The following AGBL1 variants were observed in gnomAD, a reference collection of about 807,000 sequenced individuals.
The protein encoded by AGBL1 is cytosolic carboxypeptidase 4.
In AGBL1, 130 loss-of-function variants were observed where a neutral mutation model predicts 118.9. The observed-to-expected ratio is 1.09, with a 90% CI of 0.95 to 1.26. AGBL1 has a LOEUF of 1.26. Among genes scored for constraint, AGBL1 ranks in the 50% most tolerant of loss-of-function variants. The pLI is 0.00. For missense variants in AGBL1, 1,584 were observed against 1,298.1 expected (o/e 1.22, Z -3.38); for synonymous variants, 555 against 478.9 (o/e 1.16, Z -2.08).
chr15:86,097,477 A>G (rs4887277), intron 1 of AGBL1, among the ~76,000 whole-genome samples: 133,611 of 151,664 alleles, frequency 0.88, 59,279 homozygotes, highest in Non-Finnish European at 0.95. Context: ...ATTGACTGCC[A>G]CACACCCTTC....
At chr15:86,716,065 C>CAAA (rs35322996) in intron 22 of AGBL1, among the ~76,000 whole-genome samples, 2 of 109,804 alleles carry the variant, frequency 1.8e-5, no homozygotes, top group Non-Finnish European at 2.1e-5. Flanking sequence ...GACTCCGTCT[C>CAAA]AAAAAAAAAA....
rs60282415 is a variant in AGBL1 at position 86,301,641 on chromosome 15, G to GGTGTGTGT, written c.2374+6279_2374+6286dup. On this transcript the variant is annotated intron_variant, in intron 17 of 22. Transcript: ENST00000614907. The stretch of plus-strand genomic sequence containing the variant: ...TCACTGAGGTACTCATAATCTACAG[G>GGTGTGTGT]GTGTGTGTGTGTGTGTGTGTGTGTG... Among the ~76,000 whole-genome samples the GGTGTGTGT allele has an allele frequency of 9.5e-5, 13 of 137,332 alleles. No individual in the cohort carries two copies. In the South Asian group the frequency reaches 1.3e-3, roughly 14 times the overall value. The allele number at this position is 137,332 out of a possible 152,430, so 90.1% of individuals were successfully genotyped here.
chr15:86,227,456 A>G (rs8040912), intron 6 of AGBL1, among the ~76,000 whole-genome samples: 2,668 of 152,366 alleles, frequency 0.018, 96 homozygotes, highest in African/African-American at 0.061. Context: ...CTTTGCTGTT[A>G]GAGTCTGTTC....
chr15:86,093,420 G>T (rs535798051), intron 1 of AGBL1, among the ~76,000 whole-genome samples: 4 of 152,240 alleles, frequency 2.6e-5, no homozygotes, highest in South Asian at 4.1e-4. Flanking sequence ...AACACCAGAA[G>T]AAATAATACA....
intron 22 of AGBL1, among the ~76,000 whole-genome samples, chr15:86,905,980 C>T (rs1009627622): frequency 5.9e-5 from 9 of 152,182 alleles, no homozygotes; most frequent in Non-Finnish European, 2.9e-5. Context: ...TTTAGGGTAC[C>T]GCAGCCTGGA....
At chr15:86,527,024 C>T (rs1369535536) in intron 19 of AGBL1, among the ~76,000 whole-genome samples, 3 of 152,090 alleles carry the variant, frequency 2.0e-5, no homozygotes, top group Non-Finnish European at 4.4e-5. Flanking sequence ...ACTGGTTCTA[C>T]ACTGCTGAAA....
intron 22 of AGBL1, among the ~76,000 whole-genome samples, chr15:86,711,256 A>G (rs989521374): frequency 6.6e-6 from 1 of 152,196 alleles, no homozygotes; most frequent in African/African-American, 2.4e-5. Flanking sequence ...GGAAACAGGA[A>G]ACTTGAGGAA....
In AGBL1 at chr15:86,532,174, C is replaced by T. The variant is rs1315003635; in HGVS notation, c.2685+9235C>T. On this transcript the variant is annotated intron_variant, in intron 19 of 22. Coordinates refer to ENST00000614907, the MANE Select transcript of AGBL1 (RefSeq NM_001386094.1). ...AGGAAAAGAGGAAGTCAAATTGTCC[C>T]TGTTTGCAGACAACATGATTGTTTA... Among the ~76,000 whole-genome samples, 6 of 149,988 alleles carry T rather than the reference C, an allele frequency of 4.0e-5. No homozygotes were observed. The East Asian group carries it at 1.0e-3, about 25-fold the overall frequency.
intron 17 of AGBL1, among the ~76,000 whole-genome samples, chr15:86,323,822 G>A (rs1597729549): frequency 1.3e-5 from 2 of 152,204 alleles, no homozygotes; most frequent in South Asian, 4.1e-4. Context: ...GTTTTGCACA[G>A]TATTTTGCAA....
chr15:86,421,901 C>G (rs1265384487), intron 18 of AGBL1, among the ~76,000 whole-genome samples: 1 of 152,180 alleles, frequency 6.6e-6, no homozygotes, highest in Non-Finnish European at 1.5e-5. Context: ...GAAGAGCTAA[C>G]TGTCTTAAAT....
intron 6 of AGBL1, among the ~76,000 whole-genome samples, chr15:86,239,316 A>G (rs2078604768): frequency 6.6e-6 from 1 of 152,248 alleles, no homozygotes; most frequent in African/African-American, 2.4e-5. Context: ...TATTTTACAA[A>G]GAGAAAAAAA....
At chr15:86,400,963 T>C (rs1173199611) in intron 18 of AGBL1, among the ~76,000 whole-genome samples, 1 of 152,140 alleles carries the variant, frequency 6.6e-6, no homozygotes, top group Non-Finnish European at 1.5e-5. Flanking sequence ...GACTTTTCCT[T>C]TGGGTAGATC....
chr15:86,871,087 A>C (rs2079721481), intron 22 of AGBL1, among the ~76,000 whole-genome samples: 1 of 152,150 alleles, frequency 6.6e-6, no homozygotes, highest in Non-Finnish European at 1.5e-5. Flanking sequence ...AATTAGACAA[A>C]CTTATCTGAG....
chr15:86,208,237 G>T (rs1404925029), intron 5 of AGBL1, among the ~76,000 whole-genome samples: 1 of 152,114 alleles, frequency 6.6e-6, no homozygotes, highest in Non-Finnish European at 1.5e-5. Context: ...ATTTATTGAG[G>T]ATTTTTGCAT....
chr15:86,383,675 G>A (rs1339478363), intron 17 of AGBL1, among the ~76,000 whole-genome samples: 1 of 152,096 alleles, frequency 6.6e-6, no homozygotes, highest in Non-Finnish European at 1.5e-5. Context: ...GCCGTTCTTC[G>A]CTGACGTGTA....
chr15:86,395,764 A>G (rs2081351708), intron 17 of AGBL1, among the ~76,000 whole-genome samples: 1 of 151,994 alleles, frequency 6.6e-6, no homozygotes, highest in East Asian at 1.9e-4. Context: ...AATACGGAAG[A>G]GACAGATAGT....
At chr15:86,245,161 C>G (rs2078700357) in intron 6 of AGBL1, among the ~76,000 whole-genome samples, 1 of 151,958 alleles carries the variant, frequency 6.6e-6, no homozygotes, top group African/African-American at 2.4e-5. Flanking sequence ...ATTTGACAAA[C>G]AAGCAGAAAA....
intron 21 of AGBL1, among the ~76,000 whole-genome samples, chr15:86,563,842 T>G (rs1485875233): frequency 6.6e-6 from 1 of 152,186 alleles, no homozygotes; most frequent in Non-Finnish European, 1.5e-5. Flanking sequence ...ATATTTAGGA[T>G]AGTTAGCTCT....
intron 22 of AGBL1, among the ~76,000 whole-genome samples, chr15:86,798,652 A>C (rs537761537): frequency 6.6e-6 from 1 of 151,046 alleles, no homozygotes; most frequent in East Asian, 1.9e-4. Context: ...CCTCTTGGAA[A>C]CTGGGAGGAA....
Sources: allele counts gnomAD v4.1 joint callset (sites outside exome capture counted in the v4.1 genomes callset), GRCh38; gene constraint gnomAD v4.1.1; transcripts MANE v1.5; gene names NCBI Gene and HGNC (gene_info 2026-07-23, HGNC 2026-07-21).